Variants in CRTC1 observed in about 807,000 individuals in gnomAD.
CRTC1 encodes the protein CREB regulated transcription coactivator 1, also known as CREB-regulated transcription coactivator 1.
In CRTC1, 18 loss-of-function variants were observed where a neutral mutation model predicts 66.1. The observed-to-expected ratio is 0.27, with a 90% CI of 0.19 to 0.40. CRTC1 has a LOEUF of 0.40. Among genes scored for constraint, CRTC1 ranks in the 10% least tolerant of loss-of-function variants. The probability of loss-of-function intolerance (pLI) is 1.00; values close to 1 mark genes in which losing one functional copy is unlikely to be tolerated. For missense variants in CRTC1, 669 were observed against 887.9 expected (o/e 0.75, Z 3.13); for synonymous variants, 416 against 398.8 (o/e 1.04, Z -0.51).
intron 1 of CRTC1, among the ~76,000 whole-genome samples, chr19:18,724,414 C>T (rs2053697713): frequency 6.6e-6 from 1 of 152,036 alleles, no homozygotes; most frequent in Non-Finnish European, 1.5e-5. Flanking sequence ...GACAGCAGCA[C>T]CTATTGGGAC....
rs182574023 is a variant in CRTC1 at position 18,692,171 on chromosome 19, G to A, written c.126+8343G>A. Among the ~76,000 whole-genome samples, 961 of 150,672 alleles carry A rather than the reference G, an allele frequency of 6.4e-3. 5 individuals carry two copies. The highest frequency in any genetic ancestry group is 0.011 in the Non-Finnish European group (766 of 67,428). Reference sequence around the variant, plus strand: ...AGCAAGGGCCCCTGCTACTAAAAAGGGCTGAATGAAGGGTCCACTCCGGGC... The same window carrying A: ...AGCAAGGGCCCCTGCTACTAAAAAGAGCTGAATGAAGGGTCCACTCCGGGC... On this transcript the variant is annotated intron_variant, in intron 1 of 13. Coordinates refer to ENST00000321949, the MANE Select transcript of CRTC1 (RefSeq NM_015321.3).
intron 5 of CRTC1, among the ~76,000 whole-genome samples, chr19:18,751,257 C>T (rs961891191): frequency 6.6e-6 from 1 of 151,714 alleles, no homozygotes; most frequent in Non-Finnish European, 1.5e-5. Flanking sequence ...GGTGTGGTGG[C>T]TCACGCCTGC....
rs970284264 is a variant in CRTC1 at position 18,769,074 on chromosome 19, T to C, written c.1320+281T>C. Among the ~76,000 whole-genome samples the C allele has an allele frequency of 3.3e-5, 5 of 152,212 alleles. No individual in the cohort carries two copies. The South Asian group carries it at 1.0e-3, about 31-fold the overall frequency. ...AACTGCCGAGCACCCCTTCTTGGCC[T>C]CTCTGGCCCCTCCCACCTGAAGCCA... On this transcript the variant is annotated intron_variant, in intron 10 of 13. Coordinates refer to ENST00000321949, the MANE Select transcript of CRTC1 (RefSeq NM_015321.3).
intron 1 of CRTC1, among the ~76,000 whole-genome samples, chr19:18,698,378 G>C (rs1330234070): frequency 6.8e-6 from 1 of 146,492 alleles, no homozygotes; most frequent in Non-Finnish European, 1.5e-5. Context: ...GTGCTTAGCA[G>C]GCACACAGTT....
chr19:18,755,363 A>G (rs1340770207), intron 6 of CRTC1, among the ~76,000 whole-genome samples: 1 of 152,146 alleles, frequency 6.6e-6, no homozygotes, highest in Non-Finnish European at 1.5e-5. Flanking sequence ...GGACTTAAAC[A>G]GTCCTCTGCC....
At chr19:18,765,765 A>C (rs1463093100) in intron 9 of CRTC1, among the ~76,000 whole-genome samples, 1 of 152,198 alleles carries the variant, frequency 6.6e-6, no homozygotes, top group African/African-American at 2.4e-5. Flanking sequence ...GTTCGAGACC[A>C]GCCTGGCCAA....
At position 18,765,494 on chromosome 19, in the gene CRTC1, C is replaced by T. The variant is rs756822056; in HGVS notation, c.977C>T (p.Ser326Leu). 1.1e-5 allele frequency: 18 copies of T among 1,609,824 alleles called. No homozygotes were observed. The highest frequency in any genetic ancestry group is 4.5e-5 in the East Asian group (2 of 44,868). The change falls in exon 9 of 14, where the codon TCG becomes TTG. Residue 326 changes from serine (S) to leucine (L), a missense_variant. By Grantham distance (145) the Ser-to-Leu change is moderately radical. This residue lies in a region of CRTC1 where 241 missense variants were observed against 242.2 expected (regional missense o/e 0.99). Transcript: ENST00000321949. Reference sequence around the variant, plus strand: ...ACAGAGGCAAGGCGTCAGCAGGCATCGCCCACCCTGTCCCCGCTGTCACCC... The same window carrying T: ...ACAGAGGCAAGGCGTCAGCAGGCATTGCCCACCCTGTCCCCGCTGTCACCC... ...LSTEARRQQA[S>L]PTLSPLSPIT...
chr19:18,726,209 C>G (rs537751532), intron 1 of CRTC1, among the ~76,000 whole-genome samples: 3 of 152,270 alleles, frequency 2.0e-5, no homozygotes, highest in Admixed American at 6.5e-5. Context: ...CTCAGGCACT[C>G]GGCGGACGCT....
chr19:18,722,382 A>G (rs187248209), intron 1 of CRTC1, among the ~76,000 whole-genome samples: 1 of 152,156 alleles, frequency 6.6e-6, no homozygotes, highest in East Asian at 1.9e-4. Context: ...GGAACGTGTG[A>G]CTCTGGCCTT....
intron 1 of CRTC1, among the ~76,000 whole-genome samples, chr19:18,733,968 G>C (rs948354687): frequency 1.3e-5 from 2 of 152,200 alleles, no homozygotes; most frequent in Non-Finnish European, 2.9e-5. Context: ...AATTCGCCGG[G>C]CATGGTGGCG....
intron 8 of CRTC1, among the ~76,000 whole-genome samples, chr19:18,763,069 C>G (rs1313324443): frequency 1.3e-5 from 2 of 152,188 alleles, no homozygotes; most frequent in Non-Finnish European, 2.9e-5. Context: ...CAAGTCCTTA[C>G]CATTGTGCTA....
chr19:18,759,701 CTGTG>C, intron 7 of CRTC1, 110 bp downstream of exon 7: 2 of 1,240,810 alleles, frequency 1.6e-6, no homozygotes, highest in Non-Finnish European at 2.3e-6. Flanking sequence ...AAGAGGGACA[CTGTG>C]TGACCAGAGG....
chr19:18,749,549 G>A (rs1036958953), intron 4 of CRTC1, among the ~76,000 whole-genome samples: 9 of 152,348 alleles, frequency 5.9e-5, no homozygotes, highest in African/African-American at 2.2e-4. Flanking sequence ...ACAGGCGTGC[G>A]CCACCTCGCG....
chr19:18,710,977 C>G (rs900113837), intron 1 of CRTC1, among the ~76,000 whole-genome samples: 1 of 152,196 alleles, frequency 6.6e-6, no homozygotes, highest in African/African-American at 2.4e-5. Flanking sequence ...CTTTCTTCAC[C>G]CTGTCCCACC....
chr19:18,712,485 C>T lies in CRTC1; in HGVS notation c.126+28657C>T, dbSNP rs1448495732. ...ATGTTGGCCAGGCTGGTCTAGAACT[C>T]CTGACCTCAGGTAATCCGCCTGCCG... On this transcript the variant is annotated intron_variant, in intron 1 of 13. Transcript: ENST00000321949. Among the ~76,000 whole-genome samples, 4 of 151,744 alleles carry T rather than the reference C, an allele frequency of 2.6e-5. No individual in the cohort carries two copies. In the East Asian group the frequency reaches 5.9e-4, roughly 22 times the overall value.
At chr19:18,696,811 G>A (rs908211615) in intron 1 of CRTC1, among the ~76,000 whole-genome samples, 2 of 148,928 alleles carry the variant, frequency 1.3e-5, no homozygotes, top group African/African-American at 4.9e-5. Flanking sequence ...GCAGCTGGAG[G>A]TGTGCCACTC....
intron 1 of CRTC1, among the ~76,000 whole-genome samples, chr19:18,687,683 T>TG (rs1314328291): frequency 1.3e-5 from 2 of 152,166 alleles, no homozygotes; most frequent in African/African-American, 4.8e-5. Flanking sequence ...AAGGACAGCA[T>TG]GTCACTCATG....
At chr19:18,707,461 GT>G (rs1189221161) in intron 1 of CRTC1, among the ~76,000 whole-genome samples, 1 of 152,138 alleles carries the variant, frequency 6.6e-6, no homozygotes, top group Non-Finnish European at 1.5e-5. Flanking sequence ...TGGTCTTGAT[GT>G]TTGTCTTTAT....
rs2055050484 is a variant in CRTC1 at position 18,778,906 on chromosome 19, C to T, written c.*1524C>T. ...TCTGCTGGCTGCCCCTTCTTGGCAGCTCAGGGTCGTGGCAGGTGGACTTGG... is the reference window on the plus strand; with the variant it reads ...TCTGCTGGCTGCCCCTTCTTGGCAGTTCAGGGTCGTGGCAGGTGGACTTGG... On this transcript the variant is annotated 3_prime_UTR_variant, in exon 14 of 14. Transcript: ENST00000321949. 10 of 231,572 alleles carry T rather than the reference C, an allele frequency of 4.3e-5. No individual in the cohort carries two copies. In the East Asian group the frequency reaches 6.1e-4, roughly 14 times the overall value. The allele number at this position is 231,572 out of a possible 1,614,324, so 14.3% of individuals were successfully genotyped here. A position where few individuals can be genotyped will look rare whatever the true frequency, so the allele number is the denominator to read the frequency against.
Sources: allele counts gnomAD v4.1 joint callset (sites outside exome capture counted in the v4.1 genomes callset), GRCh38; gene constraint gnomAD v4.1.1; regional missense constraint gnomAD v4.1.1; transcripts MANE v1.5; gene names NCBI Gene and HGNC (gene_info 2026-07-23, HGNC 2026-07-21).